TENM2: variants seen among roughly 807,000 people sequenced by gnomAD.
TENM2 encodes teneurin-2.
In TENM2, 52 loss-of-function variants were observed where a neutral mutation model predicts 245.2. The ratio of observed to expected loss-of-function variants is 0.21; its 90% CI spans 0.17 to 0.27. TENM2 has a LOEUF of 0.27. Ranked by LOEUF, TENM2 falls within the 10% of genes least tolerant of loss-of-function variation. The pLI is 1.00. For missense variants in TENM2, 3,046 were observed against 3,666.8 expected (o/e 0.83, Z 4.37); for synonymous variants, 1,363 against 1,438.9 (o/e 0.95, Z 1.19).
At chr5:167,116,031 C>T in the TENM2 span, among the ~76,000 whole-genome samples, 51 of 152,290 alleles carry the variant, frequency 3.3e-4, 2 homozygotes, top group Admixed American at 1.4e-3. Context: ...CGCTGTCTGG[C>T]ACATGGTAAG....
chr5:167,352,633 T>C (rs1031782533), intron 1 of TENM2, among the ~76,000 whole-genome samples: 97 of 152,320 alleles, frequency 6.4e-4, no homozygotes, highest in African/African-American at 2.3e-3. Context: ...AGTGATTTTC[T>C]GTTATCAGAC....
At chr5:167,850,701 G>A (rs2909796) in intron 2 of TENM2, among the ~76,000 whole-genome samples, 18,914 of 152,106 alleles carry the variant, frequency 0.12, 1,369 homozygotes, top group Middle Eastern at 0.21. Flanking sequence ...GATGGGGGCT[G>A]CAAAGCTAAT....
chr5:168,239,461 TG>T (rs1765896592), intron 25 of TENM2, among the ~76,000 whole-genome samples: 1 of 152,232 alleles, frequency 6.6e-6, no homozygotes, highest in Non-Finnish European at 1.5e-5. Flanking sequence ...TCTTTATAGT[TG>T]GTGCACCTGG....
exon 4 of TENM2, chr5:167,952,819 C>T: frequency 6.4e-7 from 1 of 1,553,496 alleles, no homozygotes; most frequent in Non-Finnish European, 8.7e-7. Flanking sequence ...CCACTGGAGA[C>T]CCGGTAAGTC....
At chr5:167,200,586 T>C in the TENM2 span, among the ~76,000 whole-genome samples, 1 of 152,032 alleles carries the variant, frequency 6.6e-6, no homozygotes, top group East Asian at 1.9e-4. Flanking sequence ...CTGTCACCAA[T>C]GTATAGCATG....
intron 13 of TENM2, among the ~76,000 whole-genome samples, chr5:168,182,154 A>C (rs1028837934): frequency 6.6e-6 from 1 of 152,242 alleles, no homozygotes; most frequent in African/African-American, 2.4e-5. Flanking sequence ...GAGACCTTAC[A>C]GAGGCAATGA....
intron 5 of TENM2, among the ~76,000 whole-genome samples, chr5:168,015,976 C>T (rs547172002): frequency 3.9e-5 from 6 of 152,264 alleles, no homozygotes; most frequent in East Asian, 3.9e-4. Flanking sequence ...TGGAGAGAAG[C>T]GGCACAAACT....
intron 8 of TENM2, among the ~76,000 whole-genome samples, chr5:168,091,678 C>T (rs1272884300): frequency 6.6e-6 from 1 of 152,144 alleles, no homozygotes; most frequent in Non-Finnish European, 1.5e-5. Context: ...CTCTCGAAGA[C>T]CCAGGTTGTG....
intron 2 of TENM2, among the ~76,000 whole-genome samples, chr5:167,568,658 T>A (rs1392303045): frequency 7.3e-6 from 1 of 137,480 alleles, no homozygotes; most frequent in African/African-American, 3.1e-5. Flanking sequence ...TGTGTGTGTG[T>A]GTGTGTGTGT....
chr5:167,247,130 A>G, the TENM2 span, among the ~76,000 whole-genome samples: 85 of 152,296 alleles, frequency 5.6e-4, no homozygotes, highest in East Asian at 1.4e-3. Context: ...GCACTGCCTT[A>G]TTTGATCCTC....
intron 3 of TENM2, among the ~76,000 whole-genome samples, chr5:167,921,207 T>C (rs1334958284): frequency 6.6e-6 from 1 of 152,196 alleles, no homozygotes; most frequent in Non-Finnish European, 1.5e-5. Context: ...GAGAGAGAAG[T>C]TGTGTGATAA....
chr5:167,409,853 G>C (rs985304841), intron 2 of TENM2, among the ~76,000 whole-genome samples: 4 of 151,858 alleles, frequency 2.6e-5, no homozygotes, highest in Non-Finnish European at 5.9e-5. Context: ...TAACACTGAT[G>C]ATGCTATTTC....
intron 2 of TENM2, among the ~76,000 whole-genome samples, chr5:167,776,361 C>T (rs1763772677): frequency 6.6e-6 from 1 of 151,500 alleles, no homozygotes; most frequent in Admixed American, 6.6e-5. Flanking sequence ...CTTTGGGAGG[C>T]CAAGGCAGGT....
Position 167,557,781 on chromosome 5 carries a change from A to G in TENM2, c.502+182308A>G, listed in dbSNP as rs575762204. 7.2e-5 allele frequency among the ~76,000 whole-genome samples: 11 copies of G among 152,302 alleles called. No homozygotes were observed. In the South Asian group the frequency reaches 2.3e-3, roughly 32 times the overall value. Reference sequence around the variant, plus strand: ...ATCTCGTGGATCCAGGGAGGCTGCTAAACATCACACAGTGCTCAGGACTGT... The same window carrying G: ...ATCTCGTGGATCCAGGGAGGCTGCTGAACATCACACAGTGCTCAGGACTGT... On this transcript the variant is annotated intron_variant, in intron 2 of 28. Transcript: ENST00000518659.
the TENM2 span, among the ~76,000 whole-genome samples, chr5:166,996,629 A>G: frequency 2.3e-4 from 35 of 152,336 alleles, no homozygotes; most frequent in Non-Finnish European, 4.1e-4. Flanking sequence ...GCTATGATAC[A>G]AAGCCTGTGC....
the TENM2 span, among the ~76,000 whole-genome samples, chr5:167,232,125 A>G: frequency 6.6e-6 from 1 of 152,186 alleles, no homozygotes; most frequent in Non-Finnish European, 1.5e-5. Context: ...ACTTGCCTGC[A>G]AGGATGGAGC....
the TENM2 span, among the ~76,000 whole-genome samples, chr5:167,223,290 C>G: frequency 6.6e-6 from 1 of 152,092 alleles, no homozygotes; most frequent in Non-Finnish European, 1.5e-5. Context: ...CTTCTATCAA[C>G]TTGTTTGTTT....
intron 6 of TENM2, among the ~76,000 whole-genome samples, chr5:168,049,984 G>A (rs942229958): frequency 2.6e-5 from 4 of 151,978 alleles, no homozygotes. Flanking sequence ...TTGTATTTTA[G>A]TGGAGACGGA....
exon 15 of TENM2, chr5:168,195,288 G>A (rs1562267706): frequency 1.3e-6 from 2 of 1,585,928 alleles, no homozygotes; most frequent in Non-Finnish European, 1.7e-6. Flanking sequence ...CACCCGCCAG[G>A]ATGGCACGTG....
Sources: gnomAD v4.1 joint callset for allele counts (sites outside exome capture counted in the v4.1 genomes callset) on GRCh38, gnomAD v4.1.1 for gene constraint, MANE v1.5 for transcripts, NCBI Gene and HGNC (gene_info 2026-07-23, HGNC 2026-07-21) for gene names.